PCNX2: variants seen among roughly 807,000 people sequenced by gnomAD.
PCNX2 encodes pecanex-like protein 2.
PCNX2 carries 168 observed loss-of-function variants against 223.8 expected under a neutral mutation model. That is an observed-to-expected ratio of 0.75 (90% CI 0.66 to 0.85). The LOEUF is 0.85. Among genes scored for constraint, PCNX2 ranks in the 40% least tolerant of loss-of-function variants. The pLI is 0.00. For missense variants in PCNX2, 2,507 were observed against 2,675.5 expected (o/e 0.94, Z 1.39); for synonymous variants, 1,006 against 1,052.6 (o/e 0.96, Z 0.86).
At chr1:233,261,234 C>A (rs1251255456) in intron 4 of PCNX2, 51 bp downstream of exon 4, 1 of 1,480,794 alleles carries the variant, frequency 6.8e-7, no homozygotes. Context: ...AAATATTTCT[C>A]ACTTCACTGA....
intron 12 of PCNX2, among the ~76,000 whole-genome samples, chr1:233,210,748 C>T (rs1475033092): frequency 1.3e-5 from 2 of 152,178 alleles, no homozygotes; most frequent in Non-Finnish European, 1.5e-5. Flanking sequence ...TGATCATAAT[C>T]TCTTAAAAAC....
intron 21 of PCNX2, among the ~76,000 whole-genome samples, chr1:233,130,967 A>C (rs976225932): frequency 6.6e-6 from 1 of 151,258 alleles, no homozygotes; most frequent in African/African-American, 2.4e-5. Flanking sequence ...CTTTGATCTC[A>C]CTCTCTCACT....
At chr1:233,177,722 C>T in intron 17 of PCNX2, 80 bp downstream of exon 17, 1 of 1,238,042 alleles carries the variant, frequency 8.1e-7, no homozygotes. Flanking sequence ...TGTCCACCTG[C>T]CTAGAGCTCC....
intron 13 of PCNX2, among the ~76,000 whole-genome samples, chr1:233,204,570 A>G (rs1387928646): frequency 1.3e-5 from 2 of 152,246 alleles, no homozygotes; most frequent in African/African-American, 4.8e-5. Flanking sequence ...TAGACAGTGA[A>G]TAAGTTCCAC....
chr1:233,190,068 T>C (rs1193845036), intron 15 of PCNX2, among the ~76,000 whole-genome samples: 1 of 152,200 alleles, frequency 6.6e-6, no homozygotes, highest in Non-Finnish European at 1.5e-5. Context: ...AATCTGCTTC[T>C]ACCAAGTGAT....
chr1:233,160,381 G>A lies in PCNX2; in HGVS notation c.3419C>T (p.Thr1140Ile). The change falls in exon 19 of 34, where the codon ACA becomes ATA. Residue 1140 changes from threonine to isoleucine, a missense_variant. Around this residue, in one of 3 missense-constraint regions of PCNX2, gnomAD observed 1,372 missense variants for 1,509.4 expected, o/e 0.91. Transcript: ENST00000258229. ...FALAGAVGFV[T>I]HYVLPQLRKH... Reference sequence around the variant, plus strand: ...GCGGAGCTGAGGGAGCACGTAATGTGTTACAAACCCCACGGCTCCAGCCAA... The same window carrying A: ...GCGGAGCTGAGGGAGCACGTAATGTATTACAAACCCCACGGCTCCAGCCAA... 6.2e-7 allele frequency: 1 copy of A among 1,613,502 alleles called. No homozygotes were observed. Among genetic ancestry groups the A allele is most frequent in the Non-Finnish European group, 8.5e-7 (1 of 1,179,530 alleles).
chr1:233,249,296 T>G (rs575463362), intron 8 of PCNX2, among the ~76,000 whole-genome samples: 18 of 152,386 alleles, frequency 1.2e-4, no homozygotes, highest in African/African-American at 4.1e-4. Context: ...TACTTTGGGA[T>G]AAAAGAAGAA....
chr1:233,085,509 C>T (rs1183524308), intron 23 of PCNX2, among the ~76,000 whole-genome samples: 1 of 152,112 alleles, frequency 6.6e-6, no homozygotes, highest in Non-Finnish European at 1.5e-5. Flanking sequence ...GCTACAGTAC[C>T]TCTCCATCCT....
intron 1 of PCNX2, among the ~76,000 whole-genome samples, chr1:233,282,306 C>G (rs1661234192): frequency 6.6e-6 from 1 of 152,094 alleles, no homozygotes; most frequent in Admixed American, 6.6e-5. Context: ...GAAGTGTTAC[C>G]CAGTCCCTTG....
intron 19 of PCNX2, among the ~76,000 whole-genome samples, chr1:233,140,452 T>C (rs1243788031): frequency 6.6e-6 from 1 of 152,244 alleles, no homozygotes; most frequent in Non-Finnish European, 1.5e-5. Flanking sequence ...AGGTTTTAAG[T>C]TAGACCAACC....
chr1:233,165,984 A>G (rs1678769634), intron 17 of PCNX2, among the ~76,000 whole-genome samples: 1 of 152,106 alleles, frequency 6.6e-6, no homozygotes, highest in Admixed American at 6.5e-5. Flanking sequence ...CACAGTAACT[A>G]TGGTATTGAT....
At chr1:233,254,773 T>A (rs552433596) in intron 5 of PCNX2, among the ~76,000 whole-genome samples, 1 of 151,918 alleles carries the variant, frequency 6.6e-6, no homozygotes, top group East Asian at 1.9e-4. Context: ...TCTTAAACTA[T>A]TATAAATATT....
chr1:232,993,193 C>T (rs771970230), intron 32 of PCNX2, among the ~76,000 whole-genome samples: 14 of 152,042 alleles, frequency 9.2e-5, no homozygotes, highest in African/African-American at 2.4e-4. Flanking sequence ...AGAGACTTGC[C>T]GAATGGTTTT....
At chr1:233,220,516 T>G (rs1657304630) in intron 10 of PCNX2, among the ~76,000 whole-genome samples, 1 of 152,154 alleles carries the variant, frequency 6.6e-6, no homozygotes, top group South Asian at 2.1e-4. Flanking sequence ...CTGCTTTAAT[T>G]TGCAGTTCCC....
chr1:233,168,446 C>A (rs1286555957), intron 17 of PCNX2, among the ~76,000 whole-genome samples: 1 of 151,848 alleles, frequency 6.6e-6, no homozygotes, highest in African/African-American at 2.4e-5. Flanking sequence ...ACAGTATTTT[C>A]TTTTGTAAGC....
At chr1:233,072,430 T>A (rs973881244) in intron 23 of PCNX2, among the ~76,000 whole-genome samples, 1 of 152,188 alleles carries the variant, frequency 6.6e-6, no homozygotes, top group African/African-American at 2.4e-5. Context: ...TTTGTCAGGT[T>A]GTAGGTGTGT....
intron 15 of PCNX2, among the ~76,000 whole-genome samples, chr1:233,186,147 C>G (rs963799952): frequency 1.3e-5 from 2 of 152,130 alleles, no homozygotes; most frequent in Non-Finnish European, 2.9e-5. Flanking sequence ...TATCAACAGG[C>G]CGAATTCTTG....
At chr1:233,150,819 G>A (rs1677753117) in intron 19 of PCNX2, among the ~76,000 whole-genome samples, 1 of 151,872 alleles carries the variant, frequency 6.6e-6, no homozygotes, top group Admixed American at 6.6e-5. Flanking sequence ...GGAGAAACTC[G>A]GCAGAATCAG....
At chr1:233,313,319 GA>G in the PCNX2 span, among the ~76,000 whole-genome samples, 1 of 152,022 alleles carries the variant, frequency 6.6e-6, no homozygotes, top group African/African-American at 2.4e-5. Context: ...GAAAATTCTA[GA>G]AAAAAATATT....
Sources: gnomAD v4.1 joint callset for allele counts (sites outside exome capture counted in the v4.1 genomes callset) on GRCh38, gnomAD v4.1.1 for gene constraint, gnomAD v4.1.1 regional missense constraint, MANE v1.5 for transcripts, NCBI Gene and HGNC (gene_info 2026-07-23, HGNC 2026-07-21) for gene names.